Variants in RCL1 observed in about 807,000 individuals in gnomAD.
The protein encoded by RCL1 is RNA terminal phosphate cyclase like 1.
A neutral mutation model predicts 42.4 loss-of-function variants in RCL1; 24 were observed. The observed-to-expected ratio is 0.57, with a 90% confidence interval of 0.41 to 0.80. The LOEUF is 0.80. RCL1 is among the 30% of genes least tolerant of loss of function. The probability of loss-of-function intolerance (pLI) is 0.00; values close to 1 mark genes in which losing one functional copy is unlikely to be tolerated. For synonymous variants in RCL1, 228 were observed against 177.3 expected (o/e 1.29, Z -2.27); for missense variants, 578 against 467.9 (o/e 1.24, Z -2.17).
intron 1 of RCL1, among the ~76,000 whole-genome samples, chr9:4,817,532 G>C (rs1320532210): frequency 6.6e-6 from 1 of 150,594 alleles, no homozygotes; most frequent in East Asian, 1.9e-4. Flanking sequence ...ACAGTGCAGT[G>C]GCTCCATCAT....
intron 3 of RCL1, chr9:4,827,328 G>C: frequency 8.7e-7 from 1 of 1,155,850 alleles, no homozygotes; most frequent in Non-Finnish European, 1.2e-6. Flanking sequence ...TAGTTCTGCT[G>C]GCTGTATATG....
At chr9:4,824,410 C>G (rs911499300) in intron 2 of RCL1, among the ~76,000 whole-genome samples, 2 of 127,796 alleles carry the variant, frequency 1.6e-5, no homozygotes, top group African/African-American at 2.9e-5. Context: ...GTACAAATGT[C>G]TCAGAGAACT....
At chr9:4,829,548 A>G (rs1331368110) in intron 3 of RCL1, among the ~76,000 whole-genome samples, 1 of 152,154 alleles carries the variant, frequency 6.6e-6, no homozygotes, top group East Asian at 1.9e-4. Flanking sequence ...GTTAGAAATT[A>G]TTGTCTGGAG....
intron 3 of RCL1, among the ~76,000 whole-genome samples, chr9:4,832,140 C>T (rs1816962303): frequency 6.6e-6 from 1 of 152,214 alleles, no homozygotes. Context: ...CTACTCTTAT[C>T]AGGAATCCAC....
At chr9:4,799,724 A>C (rs1842967896) in intron 1 of RCL1, among the ~76,000 whole-genome samples, 2 of 151,552 alleles carry the variant, frequency 1.3e-5, no homozygotes, top group South Asian at 4.1e-4. Context: ...TTTTAAAAAG[A>C]AAAAACTTGA....
intron 7 of RCL1, among the ~76,000 whole-genome samples, chr9:4,847,167 C>T (rs1817548912): frequency 6.6e-6 from 1 of 152,198 alleles, no homozygotes; most frequent in Admixed American, 6.5e-5. Flanking sequence ...ACGTGAGCCA[C>T]TGTGCCTGGC....
At position 4,827,001 on chromosome 9, in the gene RCL1, C is replaced by G; in HGVS notation, c.352C>G (p.Arg118Gly). The G allele has an allele frequency of 6.2e-7, 1 of 1,614,124 alleles. No individual in the cohort carries two copies. The highest frequency in any genetic ancestry group is 8.5e-7 in the Non-Finnish European group (1 of 1,180,038). Residue 118 changes from arginine (R) to glycine (G), a missense_variant, in exon 3 of 9, where the codon CGA becomes GGA. Transcript: ENST00000381750. The part of the protein sequence containing the change: ...FMKHPLKIVL[R>G]GVTNDQVDPS... The stretch of plus-strand genomic sequence containing the variant: ...GAAGCACCCGTTAAAAATAGTTCTA[C>G]GAGGAGTGACCAATGATCAGGTTGA...
chr9:4,850,799 A>T (rs1373791807), intron 8 of RCL1, among the ~76,000 whole-genome samples: 1 of 151,996 alleles, frequency 6.6e-6, no homozygotes, highest in Admixed American at 6.5e-5. Context: ...TCCTGTAGAG[A>T]GCTCACTGGA....
chr9:4,829,112 C>G (rs2131007834), intron 3 of RCL1, among the ~76,000 whole-genome samples: 1 of 152,250 alleles, frequency 6.6e-6, no homozygotes, highest in African/African-American at 2.4e-5. Context: ...CAGCTGGGAA[C>G]TCATTTAGAG....
At chr9:4,804,380 G>C (rs1171030628) in intron 1 of RCL1, 2 of 152,440 alleles carry the variant, frequency 1.3e-5, no homozygotes, top group African/African-American at 4.8e-5. Flanking sequence ...CCACTGCTGA[G>C]TGGGTGCCGG....
rs1817042819 is a variant in RCL1 at position 4,834,146 on chromosome 9, G to A, written c.465G>A (p.Val155=). 2.5e-6 allele frequency: 4 copies of A among 1,612,638 alleles called. No individual in the cohort carries two copies. The highest frequency in any genetic ancestry group is 2.2e-5 in the East Asian group (1 of 44,802). The change falls in exon 5 of 9, where the codon GTG becomes GTA. Residue 155 remains valine, a synonymous_variant. Coordinates refer to ENST00000381750, the MANE Select transcript of RCL1 (RefSeq NM_005772.5). ...CTTTCTCACTCTCTGTGTAGATTGT[G>A]CGACGGGGAATGCCTCCCGGAGGAG... ...IDGESFELKI[V]RRGMPPGGGG...
Position 4,827,789 on chromosome 9 carries a change from A to G in RCL1, c.384+756A>G, listed in dbSNP as rs572512792. Among the ~76,000 whole-genome samples the G allele has an allele frequency of 1.1e-4, 17 of 150,962 alleles. 3 individuals carry two copies. The South Asian group carries it at 3.6e-3, about 32-fold the overall frequency. On this transcript the variant is annotated intron_variant, in intron 3 of 8. Transcript: ENST00000381750. ...GTGTGTGTGTGTGTGTGAGAGAGAG[A>G]GAGATTAGAGAAGTCTAGAGAAGTC...
chr9:4,847,434 C>G (rs76941639), intron 7 of RCL1, among the ~76,000 whole-genome samples: 2 of 152,206 alleles, frequency 1.3e-5, no homozygotes, highest in African/African-American at 4.8e-5. Context: ...GATCTAATCC[C>G]CCCTGTTCCA....
chr9:4,859,626 G>C (rs1252202485), intron 8 of RCL1, among the ~76,000 whole-genome samples: 3 of 152,128 alleles, frequency 2.0e-5, no homozygotes, highest in Non-Finnish European at 4.4e-5. Context: ...TCATGGTGCT[G>C]TGAATCATGG....
chr9:4,803,109 A>G (rs1454410446), intron 1 of RCL1, among the ~76,000 whole-genome samples: 1 of 152,060 alleles, frequency 6.6e-6, no homozygotes, highest in East Asian at 1.9e-4. Flanking sequence ...GGCCTCCCAA[A>G]GCGTCAGAAT....
At chr9:4,819,349 A>G (rs1816503424) in intron 1 of RCL1, among the ~76,000 whole-genome samples, 1 of 152,236 alleles carries the variant, frequency 6.6e-6, no homozygotes, top group Admixed American at 6.5e-5. Flanking sequence ...CTGGTGCCAA[A>G]AGGTTGGAGA....
intron 8 of RCL1, among the ~76,000 whole-genome samples, chr9:4,856,742 A>C (rs1247295050): frequency 6.6e-6 from 1 of 152,240 alleles, no homozygotes; most frequent in African/African-American, 2.4e-5. Flanking sequence ...GAAGTTGCAC[A>C]TTCCTAGGTG....
At position 4,796,483 on chromosome 9, in the gene RCL1, C is replaced by T. The variant is rs370988715; in HGVS notation, c.136+3256C>T. ...TGATCATGGCTCACTGTAGCCTCAA[C>T]CTCTTGGGCTCAGGTGATCCTCTCA... On this transcript the variant is annotated intron_variant, in intron 1 of 8. Transcript: ENST00000381750. Among the ~76,000 whole-genome samples the T allele has an allele frequency of 2.6e-4, 39 of 152,278 alleles. 1 individual carries two copies. In the East Asian group the frequency reaches 3.9e-3, roughly 15 times the overall value.
intron 6 of RCL1, among the ~76,000 whole-genome samples, chr9:4,842,372 A>T (rs1817361623): frequency 6.6e-6 from 1 of 152,180 alleles, no homozygotes; most frequent in Admixed American, 6.5e-5. Context: ...TGAGTGTTTT[A>T]TACAACCTTT....
Sources: allele counts gnomAD v4.1 joint callset (sites outside exome capture counted in the v4.1 genomes callset), GRCh38; gene constraint gnomAD v4.1.1; transcripts MANE v1.5; gene names NCBI Gene and HGNC (gene_info 2026-07-23, HGNC 2026-07-21).